Variants in FAM200A observed in about 807,000 individuals in gnomAD.
The protein encoded by FAM200A is ZBED8 like.
FAM200A carries 26 observed loss-of-function variants against 44.2 expected under a neutral mutation model. The observed-to-expected ratio is 0.59, with a 90% CI of 0.43 to 0.82. FAM200A has a LOEUF of 0.82. Among genes scored for constraint, FAM200A ranks in the 40% least tolerant of loss-of-function variants. The probability of loss-of-function intolerance (pLI) is 0.00; values close to 1 mark genes in which losing one functional copy is unlikely to be tolerated. For synonymous variants in FAM200A, 206 were observed against 244.4 expected (o/e 0.84, Z 1.47); for missense variants, 606 against 669.5 (o/e 0.91, Z 1.05).
chr7:99,556,781 A>T (rs1034745239), upstream of FAM200A, among the ~76,000 whole-genome samples: 1 of 152,260 alleles, frequency 6.6e-6, no homozygotes, highest in Non-Finnish European at 1.5e-5. Context: ...CACGCCTGTA[A>T]TCCCAGCACT....
Position 99,548,226 on chromosome 7 carries a change from A to C in FAM200A, c.182T>G (p.Leu61Ter), listed in dbSNP as rs1455908695. Residue 61 changes from leucine to a stop codon, truncating the protein, a stop_gained, in exon 2 of 2, where the codon TTA becomes TGA. Transcript: ENST00000449309. LOFTEE classifies it high-confidence loss of function. The stretch of plus-strand genomic sequence containing the variant: ...ATATGCAACTAAATACGATGACAAT[A>C]AGGCTCTCTCATTCATAGTTGTAGA... The part of the protein sequence containing the change: ...SRSTTMNERA[L>*]LSSYLVAYRV... 2 of 1,602,792 alleles carry C rather than the reference A, an allele frequency of 1.2e-6. No homozygotes were observed. Among genetic ancestry groups the C allele is most frequent in the African/African-American group, 2.7e-5 (2 of 74,794 alleles).
At chr7:99,553,091 ATATATATAT>A (rs1307961344), upstream of FAM200A, among the ~76,000 whole-genome samples, 946 of 96,922 alleles carry the variant, frequency 9.8e-3, 13 homozygotes, top group African/African-American at 0.047. Context: ...ATATATATAT[ATATATATAT>A]TTTTTTTTTT....
chr7:99,553,315 TCTC>T (rs2151132561), upstream of FAM200A, among the ~76,000 whole-genome samples: 1 of 151,826 alleles, frequency 6.6e-6, no homozygotes, highest in Non-Finnish European at 1.5e-5. Flanking sequence ...GTCTAAAGTC[TCTC>T]CTCCCCACCC....
chr7:99,549,591 C>G (rs1295312481), intron 1 of FAM200A, among the ~76,000 whole-genome samples: 1 of 152,158 alleles, frequency 6.6e-6, no homozygotes, highest in Non-Finnish European at 1.5e-5. Context: ...TATAAAGACA[C>G]ATGCACATGT....
Position 99,548,461 on chromosome 7 carries a change from G to A in FAM200A, c.-54C>T. 1.9e-6 allele frequency: 3 copies of A among 1,562,728 alleles called. No homozygotes were observed. The highest frequency in any genetic ancestry group is 2.6e-6 in the Non-Finnish European group (3 of 1,157,254). ...GATCCAAATAGGGTCTGTTTTGCAG[G>A]GCTGTCCTTTGTGACCTAGGTTTTA... On this transcript the variant is annotated 5_prime_UTR_variant, in exon 2 of 2. Coordinates refer to ENST00000449309, the MANE Select transcript of FAM200A (RefSeq NM_145111.4).
rs1389540436 is a variant in FAM200A at position 99,547,599 on chromosome 7, A to G, written c.809T>C (p.Phe270Ser). ...GCTATTCAGTGAGCTTCCTTTAATA[A>G]AATTAACAGTTTTCACTGCATTTTT... Reference protein sequence around the residue: ...VLKNAVKTVNFIKGSSLNSRL... With the variant: ...VLKNAVKTVNSIKGSSLNSRL... The change falls in exon 2 of 2, where the codon TTT (phenylalanine) becomes TCT (serine). Residue 270 changes from phenylalanine to serine, a missense_variant. Transcript: ENST00000449309. The G allele has an allele frequency of 1.3e-6, 2 of 1,551,398 alleles. No homozygotes were observed. Among genetic ancestry groups the G allele is most frequent in the Non-Finnish European group, 1.7e-6 (2 of 1,146,942 alleles).
At chr7:99,556,397 T>C, upstream of FAM200A, among the ~76,000 whole-genome samples, 1 of 152,210 alleles carries the variant, frequency 6.6e-6, no homozygotes, top group Admixed American at 6.5e-5. Context: ...TTTACATTAC[T>C]GTCACTGTTA....
rs1429819179 is a variant in FAM200A, at chr7:99,547,236, C to CT, written c.1171dup (p.Ser391LysfsTer2). 13 of 1,551,222 alleles carry CT rather than the reference C, an allele frequency of 8.4e-6. No individual in the cohort carries two copies. The Admixed American group carries it at 1.6e-4, about 19-fold the overall frequency. On this transcript the variant is annotated frameshift_variant, in exon 2 of 2. Coordinates refer to ENST00000449309, the MANE Select transcript of FAM200A (RefSeq NM_145111.4). LOFTEE classifies it high-confidence loss of function. The stretch of plus-strand genomic sequence containing the variant: ...AAACATATAGTAGCTAGGGCGGTTA[C>CT]TTTTAAGTCTTGCTTGCCACAATAA...
chr7:99,553,022 T>A (rs926100842), upstream of FAM200A, among the ~76,000 whole-genome samples: 1 of 130,690 alleles, frequency 7.7e-6, no homozygotes, highest in Admixed American at 7.6e-5. Context: ...TATACACATA[T>A]ATATACATGT....
chr7:99,550,341 C>T (rs967807525), intron 1 of FAM200A, among the ~76,000 whole-genome samples: 1 of 152,188 alleles, frequency 6.6e-6, no homozygotes, highest in African/African-American at 2.4e-5. Context: ...AAACTCCTGA[C>T]CTCGTGATCC....
At chr7:99,553,052 T>TATATATATACACACAC (rs1584227256), upstream of FAM200A, among the ~76,000 whole-genome samples, 31 of 102,598 alleles carry the variant, frequency 3.0e-4, no homozygotes, top group East Asian at 3.6e-3. Context: ...TACACACACA[T>TATATATATACACACAC]ATATATATAT....
Position 99,547,468 on chromosome 7 carries a change from A to G in FAM200A, c.940T>C (p.Tyr314His), listed in dbSNP as rs1386381054. The part of the protein sequence containing the change: ...LSQGKVLSRV[Y>H]ELRNEIYIFL... Reference sequence around the variant, plus strand: ...ATGTAAATCTCGTTCCTGAGTTCATATACTCTGCTCAATACTTTTCCTTGA... The same window carrying G: ...ATGTAAATCTCGTTCCTGAGTTCATGTACTCTGCTCAATACTTTTCCTTGA... Residue 314 changes from tyrosine (Y) to histidine (H), a missense_variant, in exon 2 of 2, where the codon TAT becomes CAT. By Grantham distance (83) the Tyr-to-His change is moderately conservative. Transcript: ENST00000449309. 3.4e-5 allele frequency: 53 copies of G among 1,551,252 alleles called. No homozygotes were observed. The highest frequency in any genetic ancestry group is 4.8e-5 in the South Asian group (4 of 83,958).
rs1368467720 is a variant in FAM200A at position 99,548,425 on chromosome 7, C to T, written c.-18G>A. 6.2e-7 allele frequency: 1 copy of T among 1,606,024 alleles called. No individual in the cohort carries two copies. The highest frequency in any genetic ancestry group is 8.5e-7 in the Non-Finnish European group (1 of 1,175,726). Reference sequence around the variant, plus strand: ...GGAGTCATTATTCAGGTTCCAGGAACTGGCTCACTTGATCCAAATAGGGTC... The same window carrying T: ...GGAGTCATTATTCAGGTTCCAGGAATTGGCTCACTTGATCCAAATAGGGTC... On this transcript the variant is annotated 5_prime_UTR_variant, in exon 2 of 2. Transcript: ENST00000449309.
Position 99,547,473 on chromosome 7 carries a change from C to T in FAM200A, c.935G>A (p.Arg312Lys), listed in dbSNP as rs1157185419. ...AATCTCGTTCCTGAGTTCATATACT[C>T]TGCTCAATACTTTTCCTTGAGAAAG... ...RWLSQGKVLS[R>K]VYELRNEIYI... The change falls in exon 2 of 2, where the codon AGA (arginine) becomes AAA (lysine). Residue 312 changes from arginine to lysine, a missense_variant. By Grantham distance (26) the Arg-to-Lys change is conservative (BLOSUM62 2). Transcript: ENST00000449309. 1 of 1,550,508 alleles carries T rather than the reference C, an allele frequency of 6.4e-7. No homozygotes were observed. The highest frequency in any genetic ancestry group is 2.0e-5 in the Admixed American group (1 of 50,922).
chr7:99,551,868 A>G lies in FAM200A; in HGVS notation c.-114T>C, dbSNP rs1802539825. On this transcript the variant is annotated 5_prime_UTR_variant, in exon 1 of 2. Coordinates refer to ENST00000449309, the MANE Select transcript of FAM200A (RefSeq NM_145111.4). ...TCCCTTCCCACCTGTATCCAGGGAC[A>G]CCTCTGCTGGGGGACAGCGCTTGCC... The G allele has an allele frequency of 1.0e-6, 1 of 985,378 alleles. No individual in the cohort carries two copies. The highest frequency in any genetic ancestry group is 1.2e-6 in the Non-Finnish European group (1 of 829,966). The allele number at this position is 985,378 out of a possible 1,614,324, so 61.0% of individuals were successfully genotyped here. A position where few individuals can be genotyped will look rare whatever the true frequency, so the allele number is the denominator to read the frequency against.
chr7:99,553,062 T>C (rs200263503), upstream of FAM200A, among the ~76,000 whole-genome samples: 890 of 100,150 alleles, frequency 8.9e-3, 11 homozygotes, highest in African/African-American at 0.028. Context: ...TATATATATA[T>C]ACACACACAT....
chr7:99,556,583 T>C (rs1802683015), upstream of FAM200A, among the ~76,000 whole-genome samples: 1 of 152,192 alleles, frequency 6.6e-6, no homozygotes. Flanking sequence ...TTTGTCTCTA[T>C]GCTGATACCA....
intron 1 of FAM200A, among the ~76,000 whole-genome samples, chr7:99,550,656 A>T (rs1438942395): frequency 6.6e-6 from 1 of 152,148 alleles, no homozygotes; most frequent in Non-Finnish European, 1.5e-5. Flanking sequence ...TCAATGGCAG[A>T]ACTGGTACCA....
chr7:99,553,089 ATATATATATATTT>A (rs1181961521), upstream of FAM200A, among the ~76,000 whole-genome samples: 119 of 100,254 alleles, frequency 1.2e-3, 1 homozygote, highest in African/African-American at 6.4e-3. Context: ...ATATATATAT[ATATATATATATTT>A]TTTTTTTTTT....
Sources: allele counts gnomAD v4.1 joint callset (sites outside exome capture counted in the v4.1 genomes callset), GRCh38; gene constraint gnomAD v4.1.1; transcripts MANE v1.5; gene names NCBI Gene and HGNC (gene_info 2026-07-23, HGNC 2026-07-21).